Variants in GRIA1 observed in about 807,000 individuals in gnomAD.
GRIA1 encodes glutamate ionotropic receptor AMPA type subunit 1.
Under a neutral mutation model 99.2 loss-of-function variants are expected in GRIA1, and 31 were observed. The observed-to-expected ratio is 0.31, with a 90% CI of 0.23 to 0.42. GRIA1 has a LOEUF of 0.42. Ranked by LOEUF, GRIA1 falls within the 10% of genes least tolerant of loss-of-function variation. The pLI is 1.00. For missense variants in GRIA1, 782 were observed against 1,157.5 expected (o/e 0.68, Z 4.71); for synonymous variants, 438 against 432.4 (o/e 1.01, Z -0.16).
At chr5:153,810,535 A>C (rs909959876) in intron 15 of GRIA1, among the ~76,000 whole-genome samples, 1 of 152,228 alleles carries the variant, frequency 6.6e-6, no homozygotes, top group Admixed American at 6.5e-5. Flanking sequence ...CTATAATAAC[A>C]GTGTGTAGGT....
chr5:153,708,466 T>C (rs1282535834), intron 11 of GRIA1, among the ~76,000 whole-genome samples: 1 of 152,102 alleles, frequency 6.6e-6, no homozygotes. Flanking sequence ...CCAGCCTCCC[T>C]CCTCCCTGAT....
intron 13 of GRIA1, among the ~76,000 whole-genome samples, chr5:153,789,092 A>C (rs984883229): frequency 2.0e-5 from 3 of 152,190 alleles, no homozygotes; most frequent in Non-Finnish European, 4.4e-5. Flanking sequence ...GACAATTCTT[A>C]TATTTGCCCT....
intron 2 of GRIA1, among the ~76,000 whole-genome samples, chr5:153,547,489 T>G (rs987402164): frequency 1.3e-5 from 2 of 152,190 alleles, no homozygotes; most frequent in African/African-American, 4.8e-5. Context: ...AACAACCTTC[T>G]ACCCTTCCTA....
At chr5:153,492,146 T>C in intron 1 of GRIA1, 1 of 1,449,244 alleles carries the variant, frequency 6.9e-7, no homozygotes, top group Non-Finnish European at 9.1e-7. Flanking sequence ...TGCTCTTTTG[T>C]GAGTGTGTGT....
intron 13 of GRIA1, among the ~76,000 whole-genome samples, chr5:153,790,195 T>C (rs1261982963): frequency 2.0e-5 from 3 of 152,114 alleles, no homozygotes; most frequent in African/African-American, 7.2e-5. Context: ...TTGGAAGAAG[T>C]TTATAACAAA....
intron 11 of GRIA1, among the ~76,000 whole-genome samples, chr5:153,741,857 A>G (rs1761813219): frequency 6.6e-6 from 1 of 152,038 alleles, no homozygotes; most frequent in South Asian, 2.1e-4. Flanking sequence ...AGTCAACAAT[A>G]CTGTGCACTG....
At chr5:153,654,045 G>C (rs1387871765) in intron 4 of GRIA1, among the ~76,000 whole-genome samples, 2 of 152,104 alleles carry the variant, frequency 1.3e-5, no homozygotes, top group East Asian at 3.8e-4. Flanking sequence ...TTCTCAGTTT[G>C]TTACCCTGTA....
intron 13 of GRIA1, among the ~76,000 whole-genome samples, chr5:153,774,744 T>C (rs1764109449): frequency 6.6e-6 from 1 of 152,228 alleles, no homozygotes; most frequent in South Asian, 2.1e-4. Context: ...GAAGATCAGA[T>C]AACTGACATC....
At chr5:153,650,145 T>C (rs985140010) in intron 3 of GRIA1, among the ~76,000 whole-genome samples, 185 bp from the exon 4 acceptor site, 6 of 152,230 alleles carry the variant, frequency 3.9e-5, no homozygotes, top group Non-Finnish European at 8.8e-5. Context: ...TTCTACCATC[T>C]ATGTTCAGAA....
intron 2 of GRIA1, among the ~76,000 whole-genome samples, chr5:153,574,063 G>A (rs1006795932): frequency 1.3e-5 from 2 of 152,106 alleles, no homozygotes; most frequent in Non-Finnish European, 2.9e-5. Context: ...GTGCAGAGAG[G>A]CAACACAGTG....
chr5:153,700,631 A>G (rs1422106066), intron 10 of GRIA1, among the ~76,000 whole-genome samples: 1 of 152,180 alleles, frequency 6.6e-6, no homozygotes, highest in African/African-American at 2.4e-5. Context: ...AGACAACAAA[A>G]GGCAATGGAA....
At chr5:153,537,102 G>C (rs1436830968) in intron 2 of GRIA1, among the ~76,000 whole-genome samples, 5 of 152,148 alleles carry the variant, frequency 3.3e-5, no homozygotes, top group African/African-American at 4.8e-5. Context: ...GACATCTTGG[G>C]AACCAGGTAA....
At chr5:153,764,371 C>T (rs1763376035) in intron 11 of GRIA1, 63 bp from the exon 12 acceptor site, 1 of 1,302,084 alleles carries the variant, frequency 7.7e-7, no homozygotes, top group Non-Finnish European at 1.1e-6. Context: ...GTGCTCAGTC[C>T]CTCCCCAGAG....
intron 2 of GRIA1, among the ~76,000 whole-genome samples, chr5:153,556,239 G>A (rs955584005): frequency 9.2e-5 from 14 of 152,012 alleles, no homozygotes; most frequent in Admixed American, 9.2e-4. Flanking sequence ...CACAGTGTGG[G>A]GGCGAAAGTT....
At chr5:153,574,205 T>C (rs1270867143) in intron 2 of GRIA1, 1 of 152,200 alleles carries the variant, frequency 6.6e-6, no homozygotes, top group African/African-American at 2.4e-5. Context: ...AGGGTGTTAC[T>C]ATAGTAATAC....
chr5:153,775,088 G>T (rs1045703219), intron 13 of GRIA1, among the ~76,000 whole-genome samples: 2 of 152,176 alleles, frequency 1.3e-5, no homozygotes, highest in African/African-American at 2.4e-5. Context: ...AAAGGCAATT[G>T]GTAAATCCAC....
At chr5:153,724,622 C>T (rs1335588876) in intron 11 of GRIA1, among the ~76,000 whole-genome samples, 14 of 151,996 alleles carry the variant, frequency 9.2e-5, no homozygotes, top group African/African-American at 2.7e-4. Flanking sequence ...GGAGCCGATG[C>T]GATCAACTGG....
intron 2 of GRIA1, among the ~76,000 whole-genome samples, chr5:153,529,498 C>T (rs886573107): frequency 3.9e-5 from 6 of 152,134 alleles, no homozygotes; most frequent in Non-Finnish European, 7.3e-5. Context: ...AAAACAGTAC[C>T]AGCCCCTGGA....
chr5:153,758,766 T>C (rs2149600085), intron 11 of GRIA1, among the ~76,000 whole-genome samples: 1 of 152,128 alleles, frequency 6.6e-6, no homozygotes, highest in Middle Eastern at 3.4e-3. Context: ...GGATATACGT[T>C]ATTTGCAACA....
Sources: gnomAD v4.1 joint callset for allele counts (sites outside exome capture counted in the v4.1 genomes callset) on GRCh38, gnomAD v4.1.1 for gene constraint, MANE v1.5 for transcripts, NCBI Gene and HGNC (gene_info 2026-07-23, HGNC 2026-07-21) for gene names.